IGF2BP2: variants seen among roughly 807,000 people sequenced by gnomAD.
IGF2BP2 encodes insulin-like growth factor 2 mRNA-binding protein 2.
IGF2BP2 carries 17 observed loss-of-function variants against 75.8 expected under a neutral mutation model. The ratio of observed to expected loss-of-function variants is 0.22; its 90% confidence interval spans 0.15 to 0.34. The LOEUF (loss-of-function observed/expected upper bound fraction) is 0.34, where lower values mean the gene tolerates loss of function less well. IGF2BP2 is among the 10% of genes least tolerant of loss of function. The pLI is 1.00. For synonymous variants in IGF2BP2, 288 were observed against 295.6 expected (o/e 0.97, Z 0.26); for missense variants, 516 against 772.4 (o/e 0.67, Z 3.93).
chr3:185,818,709 T>G (rs1334937353), intron 2 of IGF2BP2, among the ~76,000 whole-genome samples: 1 of 152,216 alleles, frequency 6.6e-6, no homozygotes, highest in Non-Finnish European at 1.5e-5. Flanking sequence ...GAAGAGTGAT[T>G]CAGCTACAGA....
intron 2 of IGF2BP2, among the ~76,000 whole-genome samples, chr3:185,797,441 T>C (rs1737575652): frequency 6.6e-6 from 1 of 152,246 alleles, no homozygotes; most frequent in Non-Finnish European, 1.5e-5. Context: ...AAAGAGAACA[T>C]CTGAAGATCC....
chr3:185,694,165 C>T (rs922426425), intron 4 of IGF2BP2, among the ~76,000 whole-genome samples: 4 of 152,142 alleles, frequency 2.6e-5, no homozygotes, highest in African/African-American at 7.2e-5. Flanking sequence ...GTTCATAGCA[C>T]GCTTTAATTC....
intron 13 of IGF2BP2, among the ~76,000 whole-genome samples, chr3:185,649,827 G>A (rs954859616): frequency 2.6e-5 from 4 of 152,232 alleles, no homozygotes; most frequent in African/African-American, 9.6e-5. Context: ...AAGGGGATGG[G>A]TGAGGGGATG....
chr3:185,820,952 C>A, intron 2 of IGF2BP2: 1 of 1,507,546 alleles, frequency 6.6e-7, no homozygotes, highest in South Asian at 1.2e-5. Flanking sequence ...AAATGCAACA[C>A]AAGAACACCA....
chr3:185,671,455 C>T (rs571205821), intron 10 of IGF2BP2, among the ~76,000 whole-genome samples: 12 of 149,282 alleles, frequency 8.0e-5, no homozygotes, highest in African/African-American at 2.2e-4. Context: ...GAGAATAGCT[C>T]GAACCCAGGA....
intron 2 of IGF2BP2, among the ~76,000 whole-genome samples, chr3:185,786,432 T>TG (rs1735899544): frequency 6.6e-6 from 1 of 152,206 alleles, no homozygotes; most frequent in Non-Finnish European, 1.5e-5. Context: ...CCTTCACTGA[T>TG]GACATTCCAC....
intron 2 of IGF2BP2, among the ~76,000 whole-genome samples, chr3:185,802,900 G>A (rs1738475183): frequency 6.6e-6 from 1 of 152,188 alleles, no homozygotes; most frequent in African/African-American, 2.4e-5. Flanking sequence ...ATGTAGCAGG[G>A]GTAAGCCACC....
At chr3:185,716,804 T>C (rs1010623381) in intron 2 of IGF2BP2, 7 of 518,704 alleles carry the variant, frequency 1.3e-5, no homozygotes, top group Non-Finnish European at 2.7e-5. Flanking sequence ...ACATTTCACC[T>C]TAACTGAGGG....
At chr3:185,794,064 C>T (rs1278562869) in intron 2 of IGF2BP2, among the ~76,000 whole-genome samples, 1 of 150,750 alleles carries the variant, frequency 6.6e-6, no homozygotes, top group Non-Finnish European at 1.5e-5. Context: ...CTCAAGCAAT[C>T]CTCCCGCCTC....
chr3:185,665,542 GAGGAGA>G (rs1717395115), intron 10 of IGF2BP2, among the ~76,000 whole-genome samples: 1 of 134,654 alleles, frequency 7.4e-6, no homozygotes, highest in African/African-American at 2.7e-5. Context: ...GAAGGAGGAG[GAGGAGA>G]AGGAGGAGGA....
chr3:185,653,787 G>C (rs1334705100), intron 12 of IGF2BP2, among the ~76,000 whole-genome samples: 1 of 152,158 alleles, frequency 6.6e-6, no homozygotes, highest in Non-Finnish European at 1.5e-5. Context: ...GTCAATGACA[G>C]GGACATCATG....
intron 2 of IGF2BP2, among the ~76,000 whole-genome samples, chr3:185,708,007 G>A (rs913046238): frequency 3.3e-5 from 5 of 152,196 alleles, no homozygotes; most frequent in Non-Finnish European, 5.9e-5. Flanking sequence ...TTCACAGCGT[G>A]TTTGGCATGA....
chr3:185,783,818 A>C (rs1443482785), intron 2 of IGF2BP2, among the ~76,000 whole-genome samples: 1 of 152,198 alleles, frequency 6.6e-6, no homozygotes, highest in African/African-American at 2.4e-5. Flanking sequence ...AAGTTTTAAA[A>C]TATTTTTTGA....
chr3:185,808,725 A>ATTTTTT (rs71164545), intron 2 of IGF2BP2, among the ~76,000 whole-genome samples: 1 of 141,030 alleles, frequency 7.1e-6, no homozygotes. Context: ...ACACCTGGCT[A>ATTTTTT]TTTTTTTTTT....
intron 2 of IGF2BP2, among the ~76,000 whole-genome samples, chr3:185,808,033 T>C (rs1284111746): frequency 3.3e-5 from 5 of 151,100 alleles, no homozygotes; most frequent in African/African-American, 9.8e-5. Flanking sequence ...CAGTCCCAGC[T>C]ATTCAGAAGG....
intron 2 of IGF2BP2, among the ~76,000 whole-genome samples, chr3:185,777,146 T>C (rs1290753379): frequency 3.3e-5 from 5 of 152,166 alleles, no homozygotes; most frequent in Non-Finnish European, 7.3e-5. Context: ...TCACTTAATG[T>C]TGTCAATAGC....
intron 12 of IGF2BP2, among the ~76,000 whole-genome samples, chr3:185,652,579 G>C (rs537062492): frequency 1.1e-4 from 17 of 152,340 alleles, no homozygotes; most frequent in Middle Eastern, 6.8e-3. Flanking sequence ...TGTTAAATTG[G>C]AGTCGAGCTT....
intron 2 of IGF2BP2, among the ~76,000 whole-genome samples, chr3:185,779,654 G>A (rs1204456413): frequency 6.6e-6 from 1 of 152,134 alleles, no homozygotes; most frequent in Non-Finnish European, 1.5e-5. Context: ...AACTTACTGA[G>A]TCACAATTTA....
chr3:185,717,834 AGG>A (rs1421680780), intron 2 of IGF2BP2: 1 of 152,276 alleles, frequency 6.6e-6, no homozygotes, highest in East Asian at 1.9e-4. Flanking sequence ...GGTGGGAAGT[AGG>A]TACCACTGAG....
Sources: gnomAD v4.1 joint callset for allele counts (sites outside exome capture counted in the v4.1 genomes callset) on GRCh38, gnomAD v4.1.1 for gene constraint, MANE v1.5 for transcripts, NCBI Gene and HGNC (gene_info 2026-07-23, HGNC 2026-07-21) for gene names.